Variants in ST3GAL2 observed in about 807,000 individuals in gnomAD.
The protein encoded by ST3GAL2 is ST3 beta-galactoside alpha-2,3-sialyltransferase 2, also known as CMP-N-acetylneuraminate-beta-galactosamide-alpha-2,3-sialyltransferase 2.
Under a neutral mutation model 37.5 loss-of-function variants are expected in ST3GAL2, and 16 were observed. The ratio of observed to expected loss-of-function variants is 0.43; its 90% confidence interval spans 0.29 to 0.65. The LOEUF is 0.65. Among genes scored for constraint, ST3GAL2 ranks in the 30% least tolerant of loss-of-function variants. The pLI is 0.17. For synonymous variants in ST3GAL2, 238 were observed against 202.9 expected (o/e 1.17, Z -1.47); for missense variants, 383 against 487.8 (o/e 0.79, Z 2.02).
intron 1 of ST3GAL2, among the ~76,000 whole-genome samples, chr16:70,406,414 G>A (rs995638662): frequency 7.2e-5 from 11 of 152,272 alleles, no homozygotes; most frequent in Admixed American, 7.2e-4. Context: ...GGGAGGCTGA[G>A]GCAGGAGAAA....
chr16:70,395,245 T>C, intron 2 of ST3GAL2, 70 bp from the exon 3 acceptor site: 2 of 1,398,174 alleles, frequency 1.4e-6, no homozygotes, highest in Non-Finnish European at 2.0e-6. Context: ...GGCCCCGGCC[T>C]CCCCTCCTCT....
intron 1 of ST3GAL2, among the ~76,000 whole-genome samples, chr16:70,427,106 C>A (rs926063359): frequency 3.3e-5 from 5 of 152,142 alleles, no homozygotes; most frequent in African/African-American, 7.2e-5. Context: ...ACCTCAGCAT[C>A]CCAAAGTGCT....
rs1027751340 is a variant in ST3GAL2 at position 70,379,879 on chromosome 16, T to C, written c.*1810A>G. On this transcript the variant is annotated 3_prime_UTR_variant, in exon 7 of 7. Transcript: ENST00000342907. The stretch of plus-strand genomic sequence containing the variant: ...ACTCCTGACCTTAAGTATTAAGTAA[T>C]CCGCCCGCCTTGGCCTCCCAAAGTG... 2.0e-5 allele frequency: 3 copies of C among 151,646 alleles called. No homozygotes were observed. The highest frequency in any genetic ancestry group is 7.3e-5 in the African/African-American group (3 of 41,244). The allele number at this position is 151,646 out of a possible 1,614,324, so 9.4% of individuals were successfully genotyped here. A position where few individuals can be genotyped will look rare whatever the true frequency, so the allele number is the denominator to read the frequency against.
At position 70,410,142 on chromosome 16, in the gene ST3GAL2, G is replaced by T. The variant is rs553840287; in HGVS notation, c.-1003-10609C>A. Among the ~76,000 whole-genome samples, 6 of 150,506 alleles carry T rather than the reference G, an allele frequency of 4.0e-5. No homozygotes were observed. In the South Asian group the frequency reaches 1.3e-3, roughly 31 times the overall value. On this transcript the variant is annotated intron_variant, in intron 1 of 6. Coordinates refer to ENST00000342907, the MANE Select transcript of ST3GAL2 (RefSeq NM_006927.4). ...TAGATGAGTTTAATCCATTTCACTT[G>T]GAGTTATGTTACTATCTTATTCAGT...
intron 1 of ST3GAL2, among the ~76,000 whole-genome samples, chr16:70,413,059 G>C (rs1289849790): frequency 6.6e-6 from 1 of 151,510 alleles, no homozygotes; most frequent in East Asian, 2.0e-4. Flanking sequence ...GACCAGCCTG[G>C]CCAACATGGT....
At chr16:70,421,589 T>C (rs1288412513) in intron 1 of ST3GAL2, among the ~76,000 whole-genome samples, 2 of 152,244 alleles carry the variant, frequency 1.3e-5, no homozygotes, top group Non-Finnish European at 2.9e-5. Flanking sequence ...TGTCCAGCTT[T>C]ATGATACAGC....
rs752486895 is a variant in ST3GAL2 at position 70,398,230 on chromosome 16, T to A, written c.301A>T (p.Asn101Tyr). 33 of 1,613,402 alleles carry A rather than the reference T, an allele frequency of 2.0e-5. No individual in the cohort carries two copies. Among genetic ancestry groups the A allele is most frequent in the Non-Finnish European group, 2.8e-5 (33 of 1,180,014 alleles). Residue 101 changes from asparagine to tyrosine, a missense_variant, in exon 2 of 7, where the codon AAC (asparagine) becomes TAC (tyrosine). This residue lies in a region of ST3GAL2 where 223 missense variants were observed against 239.1 expected (regional missense o/e 0.93). Transcript: ENST00000342907. ...TGGACGTCCGGTGGAAGATCCATGT[T>A]CTCTCGGGTCCAGACGGGGGAAATG... ...GNISPVWTRE[N>Y]MDLPPDVQRW... is the part of the protein sequence containing the mutation.
At chr16:70,401,359 CT>C (rs1427309501) in intron 1 of ST3GAL2, among the ~76,000 whole-genome samples, 1 of 152,122 alleles carries the variant, frequency 6.6e-6, no homozygotes, top group Non-Finnish European at 1.5e-5. Context: ...GGGAAAATCC[CT>C]GGTTTTGACA....
At chr16:70,431,871 G>A (rs918202413) in intron 1 of ST3GAL2, among the ~76,000 whole-genome samples, 1 of 152,010 alleles carries the variant, frequency 6.6e-6, no homozygotes, top group African/African-American at 2.4e-5. Context: ...GGCTGAGGCA[G>A]GAGAATGGCA....
At chr16:70,391,205 T>A (rs1278392623) in intron 3 of ST3GAL2, among the ~76,000 whole-genome samples, 4 of 152,190 alleles carry the variant, frequency 2.6e-5, no homozygotes, top group Admixed American at 2.0e-4. Flanking sequence ...GCCCCCTACC[T>A]CTCATTTTCC....
intron 1 of ST3GAL2, among the ~76,000 whole-genome samples, chr16:70,422,614 G>C (rs559766676): frequency 6.6e-6 from 1 of 152,124 alleles, no homozygotes; most frequent in Non-Finnish European, 1.5e-5. Context: ...AGGAGCTGGT[G>C]AGCATTGCCC....
intron 2 of ST3GAL2, among the ~76,000 whole-genome samples, chr16:70,396,271 A>G (rs1329015978): frequency 6.8e-6 from 1 of 148,092 alleles, no homozygotes; most frequent in Non-Finnish European, 1.5e-5. Flanking sequence ...AATTACTTTT[A>G]CTCAAAGTGC....
intron 1 of ST3GAL2, among the ~76,000 whole-genome samples, chr16:70,431,396 G>C (rs1443670431): frequency 1.3e-5 from 2 of 152,232 alleles, no homozygotes; most frequent in Non-Finnish European, 2.9e-5. Context: ...GACAGAGCAG[G>C]TCCTTGGGTC....
chr16:70,427,649 C>A (rs1380863732), intron 1 of ST3GAL2, among the ~76,000 whole-genome samples: 2 of 152,168 alleles, frequency 1.3e-5, no homozygotes, highest in African/African-American at 2.4e-5. Context: ...ACCCAGTATT[C>A]TTTCTGTATT....
At chr16:70,426,986 C>T (rs2047756329) in intron 1 of ST3GAL2, among the ~76,000 whole-genome samples, 1 of 151,690 alleles carries the variant, frequency 6.6e-6, no homozygotes, top group South Asian at 2.1e-4. Context: ...TAGCCGGGAC[C>T]ACAGGTATGT....
intron 4 of ST3GAL2, among the ~76,000 whole-genome samples, chr16:70,387,130 C>T (rs924647877): frequency 6.6e-6 from 1 of 152,060 alleles, no homozygotes; most frequent in Non-Finnish European, 1.5e-5. Flanking sequence ...GTGACACATG[C>T]CTGTGATCCC....
Position 70,388,214 on chromosome 16 carries a change from C to T in ST3GAL2, c.713+153G>A, listed in dbSNP as rs2047456243. Among the ~76,000 whole-genome samples, 5 of 152,058 alleles carry T rather than the reference C, an allele frequency of 3.3e-5. No homozygotes were observed. In the South Asian group the frequency reaches 1.0e-3, roughly 32 times the overall value. ...GGAGGTGACACAGAGCAAGCTGTGC[C>T]TTCAGCTCACCCACCAACTTAGGCC... On this transcript the variant is annotated intron_variant, in intron 4 of 6. Coordinates refer to ENST00000342907, the MANE Select transcript of ST3GAL2 (RefSeq NM_006927.4).
Position 70,398,465 on chromosome 16 carries a change from C to T in ST3GAL2, c.66G>A (p.Leu22=). Residue 22 remains leucine (L), a synonymous_variant, in exon 2 of 7, where the codon CTG becomes CTA. Coordinates refer to ENST00000342907, the MANE Select transcript of ST3GAL2 (RefSeq NM_006927.4). ...VAFLLVFIMS[L]LFTYSHHSMA... is the part of the protein sequence containing the mutation. ...TGCTGTGGTGCGAGTAGGTGAAGAGCAGGGACATGATGAACACCAGCAGGA... is the reference window on the plus strand; with the variant it reads ...TGCTGTGGTGCGAGTAGGTGAAGAGTAGGGACATGATGAACACCAGCAGGA... 1 of 1,613,586 alleles carries T rather than the reference C, an allele frequency of 6.2e-7. No individual in the cohort carries two copies. The highest frequency in any genetic ancestry group is 1.7e-4 in the Middle Eastern group (1 of 6,052).
chr16:70,395,404 T>C (rs2151662268), intron 2 of ST3GAL2, among the ~76,000 whole-genome samples: 1 of 152,320 alleles, frequency 6.6e-6, no homozygotes, highest in African/African-American at 2.4e-5. Context: ...GTCCAGAGAT[T>C]GGGTGCCCTG....
Sources: allele counts gnomAD v4.1 joint callset (sites outside exome capture counted in the v4.1 genomes callset), GRCh38; gene constraint gnomAD v4.1.1; regional missense constraint gnomAD v4.1.1; transcripts MANE v1.5; gene names NCBI Gene and HGNC (gene_info 2026-07-23, HGNC 2026-07-21).